The following ATP11B variants were observed in gnomAD, a reference collection of about 807,000 sequenced individuals.
ATP11B encodes the protein ATPase phospholipid transporting 11B (putative).
In ATP11B, 81 loss-of-function variants were observed where a neutral mutation model predicts 157.8. The ratio of observed to expected loss-of-function variants is 0.51; its 90% confidence interval spans 0.43 to 0.62. ATP11B has a LOEUF of 0.62. Ranked by LOEUF, ATP11B falls within the 20% of genes least tolerant of loss-of-function variation. ATP11B has a pLI of 0.00. For missense variants in ATP11B, 1,165 were observed against 1,402.2 expected, an observed-to-expected ratio of 0.83 and a Z score of 2.70; for synonymous variants, 451 against 469.4, an observed-to-expected ratio of 0.96 and a Z score of 0.51.
Position 182,865,543 on chromosome 3 carries a change from C to T in ATP11B, c.1288C>T (p.Gln430Ter), listed in dbSNP as rs762001381. Residue 430 changes from glutamine to a stop codon, truncating the protein, a stop_gained, in exon 13 of 30, where the codon CAA (glutamine) becomes TAA (stop). Transcript: ENST00000323116. LOFTEE classifies it high-confidence loss of function. ...RECSINGMKY[Q>*]EINGRLVPEG... ...ATGTTCAATTAATGGCATGAAATAC[C>T]AAGAAATTAATGGTAGACTTGTACC... 6.2e-7 allele frequency: 1 copy of T among 1,613,478 alleles called. No individual in the cohort carries two copies. The highest frequency in any genetic ancestry group is 1.7e-5 in the Admixed American group (1 of 59,962).
At chr3:182,901,114 A>G (rs907350142) in intron 28 of ATP11B, among the ~76,000 whole-genome samples, 5 of 152,110 alleles carry the variant, frequency 3.3e-5, no homozygotes, top group African/African-American at 1.2e-4. Context: ...TGGAGGTTGC[A>G]GTGAGCTGAG....
intron 29 of ATP11B, chr3:182,914,970 ATAT>A: frequency 1.0e-6 from 1 of 985,030 alleles, no homozygotes; most frequent in Non-Finnish European, 1.2e-6. Context: ...TGCTACATGA[ATAT>A]TAGCACTTTC....
In ATP11B at chr3:182,814,091, T is replaced by G. The variant is rs893664766; in HGVS notation, c.28-6169T>G. Among the ~76,000 whole-genome samples the G allele has an allele frequency of 2.6e-5, 4 of 152,120 alleles. 1 individual carries two copies. Among genetic ancestry groups the G allele is most frequent in the Admixed American group, 1.3e-4 (2 of 15,256 alleles). On this transcript the variant is annotated intron_variant, in intron 1 of 29. Transcript: ENST00000323116. Reference sequence around the variant, plus strand: ...TCATTTATTTATTTTGAGACGAGTTTTGCTCTTGTCACCCAGGCTGAAGTA... The same window carrying G: ...TCATTTATTTATTTTGAGACGAGTTGTGCTCTTGTCACCCAGGCTGAAGTA...
At chr3:182,869,199 G>A (rs776074800) in intron 16 of ATP11B, 29 bp from the exon 17 acceptor site, 7 of 1,596,012 alleles carry the variant, frequency 4.4e-6, no homozygotes, top group Middle Eastern at 1.7e-4. Flanking sequence ...AATATTAAGA[G>A]TCTGATAACT....
At chr3:182,819,423 CT>C (rs1188914257) in intron 1 of ATP11B, among the ~76,000 whole-genome samples, 1 of 152,102 alleles carries the variant, frequency 6.6e-6, no homozygotes, top group African/African-American at 2.4e-5. Flanking sequence ...GTTAAAGTGT[CT>C]TGAAGGTTCA....
intron 12 of ATP11B, 21 bp from the exon 13 acceptor site, chr3:182,865,435 T>G: frequency 1.9e-6 from 3 of 1,605,700 alleles, no homozygotes; most frequent in Non-Finnish European, 2.6e-6. Flanking sequence ...GTTTATTTTC[T>G]TTTGTTTTCT....
chr3:182,802,040 A>G lies in ATP11B; in HGVS notation c.27+8254A>G, dbSNP rs530668214. ...TTCAAAACATCATGTTGTGCACCATAAATATACAGAATTTTTGTCAATTTT... is the reference window on the plus strand; with the variant it reads ...TTCAAAACATCATGTTGTGCACCATGAATATACAGAATTTTTGTCAATTTT... On this transcript the variant is annotated intron_variant, in intron 1 of 29. Coordinates refer to ENST00000323116, the MANE Select transcript of ATP11B (RefSeq NM_014616.3). Among the ~76,000 whole-genome samples, 7 of 152,342 alleles carry G rather than the reference A, an allele frequency of 4.6e-5. No homozygotes were observed. In the East Asian group the frequency reaches 1.2e-3, roughly 25 times the overall value.
chr3:182,867,579 C>CTTT (rs386398716), intron 15 of ATP11B, 135 bp downstream of exon 15: 6,120 of 151,808 alleles, frequency 0.04, 68 homozygotes, highest in South Asian at 0.067. Context: ...AGTCACATTA[C>CTTT]TTTTTTTTTT....
chr3:182,850,707 C>A (rs2108524860), intron 10 of ATP11B, among the ~76,000 whole-genome samples: 1 of 152,128 alleles, frequency 6.6e-6, no homozygotes, highest in South Asian at 2.1e-4. Context: ...ACGTAATTAC[C>A]ATATGATCCA....
intron 28 of ATP11B, chr3:182,905,800 G>A (rs1221123520): frequency 1.3e-5 from 6 of 456,742 alleles, no homozygotes; most frequent in South Asian, 7.7e-5. Flanking sequence ...CCAGATGGAA[G>A]AAGATAAGGG....
At chr3:182,903,560 T>TA (rs966720871) in intron 28 of ATP11B, among the ~76,000 whole-genome samples, 14 of 152,302 alleles carry the variant, frequency 9.2e-5, no homozygotes, top group Middle Eastern at 3.4e-3. Context: ...GCTTCAACTT[T>TA]AAAAAATATT....
chr3:182,916,494 C>G (rs1725150239), intron 29 of ATP11B: 5 of 985,278 alleles, frequency 5.1e-6, no homozygotes, highest in Non-Finnish European at 6.0e-6. Context: ...ATTGCAAGCT[C>G]AGTTTCAAAG....
Position 182,884,846 on chromosome 3 carries a change from G to T in ATP11B, c.2603G>T (p.Gly868Val). The change falls in exon 22 of 30, where the codon GGT (glycine) becomes GTT (valine). Residue 868 changes from glycine (G) to valine (V), a missense_variant. Coordinates refer to ENST00000323116, the MANE Select transcript of ATP11B (RefSeq NM_014616.3). Reference protein sequence around the residue: ...KFLSKLLFVHGHFYYIRIATL... With the variant: ...KFLSKLLFVHVHFYYIRIATL... ...CTCTCCAAATTGCTTTTTGTTCATG[G>T]TCATTTTTATTATATTAGAATAGCT... is the stretch of plus-strand genomic sequence containing the variant. 1 of 1,577,298 alleles carries T rather than the reference G, an allele frequency of 6.3e-7. No homozygotes were observed.
At chr3:182,893,645 A>G (rs1370699500) in intron 25 of ATP11B, among the ~76,000 whole-genome samples, 4 of 152,216 alleles carry the variant, frequency 2.6e-5, no homozygotes, top group South Asian at 4.1e-4. Context: ...TTGTGCTGCT[A>G]TAAACATGGG....
intron 22 of ATP11B, 43 bp downstream of exon 22, chr3:182,884,941 T>C (rs777558741): frequency 5.3e-6 from 6 of 1,136,350 alleles, no homozygotes; most frequent in South Asian, 1.8e-5. Context: ...TATAGTAATA[T>C]GAAGTTTCAA....
chr3:182,873,878 T>A lies in ATP11B; in HGVS notation c.2115T>A (p.Leu705=). 6.2e-7 allele frequency: 1 copy of A among 1,614,130 alleles called. No homozygotes were observed. The highest frequency in any genetic ancestry group is 8.5e-7 in the Non-Finnish European group (1 of 1,179,996). The part of the protein sequence containing the change: ...LRMAGIKVWV[L]TGDKHETAVS... ...TGGCTGGTATCAAAGTATGGGTACT[T>A]ACTGGGGATAAACATGAAACAGCTG... Residue 705 remains leucine, a synonymous_variant, in exon 19 of 30, where the codon CTT becomes CTA. Transcript: ENST00000323116.
rs570469586 is a variant in ATP11B at position 182,825,491 on chromosome 3, G to A, written c.145-2629G>A. ...CCTAGTACTTTGGGAGGCCAAGGTG[G>A]GCGGATCACTTGAGGCCAGGAGTTT... On this transcript the variant is annotated intron_variant, in intron 2 of 29. Transcript: ENST00000323116. Among the ~76,000 whole-genome samples the A allele has an allele frequency of 1.2e-4, 18 of 152,164 alleles. No individual in the cohort carries two copies. In the South Asian group the frequency reaches 3.3e-3, roughly 28 times the overall value.
At chr3:182,813,631 A>G (rs1716801050) in intron 1 of ATP11B, among the ~76,000 whole-genome samples, 1 of 152,228 alleles carries the variant, frequency 6.6e-6, no homozygotes, top group Non-Finnish European at 1.5e-5. Flanking sequence ...GTAATGGTAT[A>G]TTTCACTCTA....
intron 1 of ATP11B, among the ~76,000 whole-genome samples, chr3:182,797,364 G>T (rs978416352): frequency 2.0e-5 from 3 of 152,178 alleles, no homozygotes; most frequent in African/African-American, 7.2e-5. Context: ...TTTGAGTAGA[G>T]TTATTCTTAC....
Sources: allele counts gnomAD v4.1 joint callset (sites outside exome capture counted in the v4.1 genomes callset), GRCh38; gene constraint gnomAD v4.1.1; transcripts MANE v1.5; gene names NCBI Gene and HGNC (gene_info 2026-07-23, HGNC 2026-07-21).